Variants in RBFA observed in about 807,000 individuals in gnomAD.
RBFA encodes ribosome binding factor A.
RBFA carries 16 observed loss-of-function variants against 27.9 expected under a neutral mutation model. The observed-to-expected ratio is 0.57, with a 90% CI of 0.39 to 0.87. RBFA has a LOEUF of 0.87. RBFA is among the 40% of genes least tolerant of loss of function. The pLI, the probability that RBFA is intolerant of heterozygous loss-of-function variation, is 0.00. For synonymous variants in RBFA, 181 were observed against 181.0 expected, an observed-to-expected ratio of 1.00 and a Z score of 0.00; for missense variants, 456 against 432.1, an observed-to-expected ratio of 1.06 and a Z score of -0.49.
At chr18:80,044,071 T>G in intron 5 of RBFA, 141 bp from the exon 6 acceptor site, 1 of 745,526 alleles carries the variant, frequency 1.3e-6, no homozygotes, top group South Asian at 1.5e-5. Flanking sequence ...GTCCTAGTAT[T>G]TGGGAAGAGT....
chr18:80,037,448 T>A lies in RBFA; in HGVS notation c.320T>A (p.Leu107Gln), dbSNP rs1363870635. 6.2e-7 allele frequency: 1 copy of A among 1,614,150 alleles called. No homozygotes were observed. The highest frequency in any genetic ancestry group is 1.3e-5 in the African/African-American group (1 of 75,046). ...NGLLYKALTD[L>Q]LCTPEVSQEL... ...CTCCTCTATAAGGCACTGACAGACCTGCTGTGTACCCCTGAAGTGAGTCAG... is the reference window on the plus strand; with the variant it reads ...CTCCTCTATAAGGCACTGACAGACCAGCTGTGTACCCCTGAAGTGAGTCAG... The change falls in exon 3 of 7, where the codon CTG becomes CAG. Residue 107 changes from leucine (L) to glutamine (Q), a missense_variant. Coordinates refer to ENST00000306735, the MANE Select transcript of RBFA (RefSeq NM_024805.3).
In RBFA at chr18:80,048,867, G is replaced by A. The variant is rs563623204; in HGVS notation, c.*2712G>A. On this transcript the variant is annotated 3_prime_UTR_variant, in exon 7 of 7. Coordinates refer to ENST00000306735, the MANE Select transcript of RBFA (RefSeq NM_024805.3). ...AGTGGAGTGTGGGCATGTTTGCAGG[G>A]GATCCAACCAGGCGTCGGCTCAGTG... Among the ~76,000 whole-genome samples the A allele has an allele frequency of 5.1e-4, 75 of 148,038 alleles. No individual in the cohort carries two copies. The highest frequency in any genetic ancestry group is 1.9e-3 in the Admixed American group (28 of 14,804).
At chr18:80,041,019 C>T (rs2052012619) in intron 4 of RBFA, among the ~76,000 whole-genome samples, 1 of 152,220 alleles carries the variant, frequency 6.6e-6, no homozygotes, top group Non-Finnish European at 1.5e-5. Context: ...TGCCTCCCTT[C>T]TCATCATGCC....
intron 4 of RBFA, among the ~76,000 whole-genome samples, chr18:80,038,972 G>A (rs971957103): frequency 3.9e-5 from 6 of 152,294 alleles, no homozygotes; most frequent in South Asian, 2.1e-4. Flanking sequence ...CTGTAGGGGC[G>A]CCATGCCACA....
chr18:80,040,873 G>A (rs2052011816), intron 4 of RBFA, among the ~76,000 whole-genome samples: 2 of 152,144 alleles, frequency 1.3e-5, no homozygotes, highest in South Asian at 4.1e-4. Context: ...AAAGGATCCT[G>A]GGACCAACAA....
At chr18:80,045,512 A>T (rs2052045245) in intron 6 of RBFA, among the ~76,000 whole-genome samples, 1 of 152,128 alleles carries the variant, frequency 6.6e-6, no homozygotes, top group African/African-American at 2.4e-5. Flanking sequence ...GATGTGAGCC[A>T]CCGTGCCCGG....
At position 80,047,786 on chromosome 18, in the gene RBFA, TTA is replaced by T. The variant is rs1160157597; in HGVS notation, c.*1633_*1634del. ...CTCTGTTACACCGTGAGCCAAATGT[TTA>T]TCTCTAGGGTTTCTGGTAGCCAGTT... On this transcript the variant is annotated 3_prime_UTR_variant, in exon 7 of 7. Transcript: ENST00000306735. 3.3e-5 allele frequency among the ~76,000 whole-genome samples: 5 copies of T among 152,288 alleles called. No individual in the cohort carries two copies. Among genetic ancestry groups the T allele is most frequent in the African/African-American group, 1.2e-4 (5 of 41,568 alleles).
intron 3 of RBFA, among the ~76,000 whole-genome samples, chr18:80,037,785 C>T (rs201081541): frequency 1.3e-5 from 2 of 151,592 alleles, no homozygotes; most frequent in African/African-American, 4.8e-5. Context: ...GCTACTCGGG[C>T]GGCTGAGGCA....
rs2052082899 is a variant in RBFA at position 80,049,643 on chromosome 18, C to T, written c.*3488C>T. On this transcript the variant is annotated 3_prime_UTR_variant, in exon 7 of 7. Coordinates refer to ENST00000306735, the MANE Select transcript of RBFA (RefSeq NM_024805.3). ...GGTCAATGGTTCTCAAAGTTCCGGGCACATCCCCTGGGGGCTCATAAAACC... is the reference window on the plus strand; with the variant it reads ...GGTCAATGGTTCTCAAAGTTCCGGGTACATCCCCTGGGGGCTCATAAAACC... Among the ~76,000 whole-genome samples the T allele has an allele frequency of 6.6e-6, 1 of 152,220 alleles. No homozygotes were observed. The highest frequency in any genetic ancestry group is 6.5e-5 in the Admixed American group (1 of 15,286).
At chr18:80,043,810 C>T (rs1599769877) in intron 5 of RBFA, among the ~76,000 whole-genome samples, 2 of 152,278 alleles carry the variant, frequency 1.3e-5, no homozygotes, top group East Asian at 3.9e-4. Context: ...CATCTTTTAC[C>T]TTGTCTTGTT....
rs971231739 is a variant in RBFA at position 80,049,835 on chromosome 18, G to A, written c.*3680G>A. ...CCAACATCCAGCACAATGCCTCTCA[G>A]CCTTGGCTGTGCATCTGAAACACCT... On this transcript the variant is annotated 3_prime_UTR_variant, in exon 7 of 7. Transcript: ENST00000306735. Among the ~76,000 whole-genome samples the A allele has an allele frequency of 6.6e-6, 1 of 152,204 alleles. No individual in the cohort carries two copies. Among genetic ancestry groups the A allele is most frequent in the African/African-American group, 2.4e-5 (1 of 41,448 alleles).
rs546896973 is a variant in RBFA, at chr18:80,038,436, T to G, written c.379-69T>G. On this transcript the variant is annotated intron_variant, in intron 3 of 6. Transcript: ENST00000306735. ...GGCGTCTGCAGCTGTCGTTTTCATCTCCTGGATGTTGTTTGTCTTGAAAAC... is the reference window on the plus strand; with the variant it reads ...GGCGTCTGCAGCTGTCGTTTTCATCGCCTGGATGTTGTTTGTCTTGAAAAC... The G allele has an allele frequency of 5.8e-5, 63 of 1,094,920 alleles. No individual in the cohort carries two copies. The African/African-American group carries it at 9.0e-4, about 16-fold the overall frequency. The allele number at this position is 1,094,920 out of a possible 1,614,324, so 67.8% of individuals were successfully genotyped here.
chr18:80,042,762 C>T (rs1343107403), intron 5 of RBFA, among the ~76,000 whole-genome samples: 2 of 149,268 alleles, frequency 1.3e-5, no homozygotes, highest in Admixed American at 6.7e-5. Flanking sequence ...TGAGAGACTC[C>T]GTGTCAAAAA....
chr18:80,034,466 C>T lies in RBFA; in HGVS notation c.-30C>T, dbSNP rs560179836. On this transcript the variant is annotated 5_prime_UTR_variant, in exon 1 of 7. Coordinates refer to ENST00000306735, the MANE Select transcript of RBFA (RefSeq NM_024805.3). ...GCTCCGCGCCTGCGCCCGTTGTCTC[C>T]CTGCTCGCTCCGGGTCCCGGCGCCG... 9.4e-6 allele frequency: 14 copies of T among 1,483,852 alleles called. No homozygotes were observed. The highest frequency in any genetic ancestry group is 5.8e-5 in the Admixed American group (2 of 34,574). 91.9% of individuals were successfully genotyped at this position (1,483,852 alleles called of 1,614,324 possible). A position where few individuals can be genotyped will look rare whatever the true frequency, so the allele number is the denominator to read the frequency against.
At chr18:80,043,768 G>A (rs995036512) in intron 5 of RBFA, among the ~76,000 whole-genome samples, 19 of 152,204 alleles carry the variant, frequency 1.2e-4, no homozygotes, top group Non-Finnish European at 1.2e-4. Flanking sequence ...TTCTTTTGTA[G>A]TTTAGGCTCC....
rs140731980 is a variant in RBFA at position 80,038,569 on chromosome 18, A to C, written c.443A>C (p.Gln148Pro). The change falls in exon 4 of 7, where the codon CAG (glutamine) becomes CCG (proline). Residue 148 changes from glutamine (Q) to proline (P), a missense_variant. By Grantham distance (76) the Gln-to-Pro change is moderately conservative. Coordinates refer to ENST00000306735, the MANE Select transcript of RBFA (RefSeq NM_024805.3). ...TGGAAGACAACGCTCTCTGCTGAGC[A>C]GAACGCACACATGGAGGCTGTCCTG... is the stretch of plus-strand genomic sequence containing the variant. ...AYWKTTLSAE[Q>P]NAHMEAVLQR... 6.2e-7 allele frequency: 1 copy of C among 1,614,058 alleles called. No individual in the cohort carries two copies. Among genetic ancestry groups the C allele is most frequent in the Non-Finnish European group, 8.5e-7 (1 of 1,179,992 alleles).
At chr18:80,039,430 A>G (rs1053688343) in intron 4 of RBFA, among the ~76,000 whole-genome samples, 8 of 152,220 alleles carry the variant, frequency 5.3e-5, no homozygotes, top group African/African-American at 1.4e-4. Flanking sequence ...TGTAATGGGA[A>G]GTACATGTAA....
intron 4 of RBFA, among the ~76,000 whole-genome samples, chr18:80,040,613 A>G (rs1219724672): frequency 6.6e-6 from 1 of 152,166 alleles, no homozygotes; most frequent in African/African-American, 2.4e-5. Flanking sequence ...GCTGTCTTCC[A>G]TGAAGCTGGC....
intron 5 of RBFA, among the ~76,000 whole-genome samples, chr18:80,042,630 G>T (rs1313533358): frequency 2.6e-5 from 4 of 152,026 alleles, no homozygotes; most frequent in East Asian, 1.9e-4. Flanking sequence ...AATTAGCTAG[G>T]TGTGGTGGCG....
Sources: gnomAD v4.1 joint callset for allele counts (sites outside exome capture counted in the v4.1 genomes callset) on GRCh38, gnomAD v4.1.1 for gene constraint, MANE v1.5 for transcripts, NCBI Gene and HGNC (gene_info 2026-07-23, HGNC 2026-07-21) for gene names.